FAM131C: variants seen among roughly 807,000 people sequenced by gnomAD.
FAM131C encodes family with sequence similarity 131 member C.
In FAM131C, 14 loss-of-function variants were observed where a neutral mutation model predicts 29.8. The ratio of observed to expected loss-of-function variants is 0.47; its 90% CI spans 0.31 to 0.73. The LOEUF (loss-of-function observed/expected upper bound fraction) is 0.73, where lower values mean the gene tolerates loss of function less well. Ranked by LOEUF, FAM131C falls within the 30% of genes least tolerant of loss-of-function variation. The pLI, the probability that FAM131C is intolerant of heterozygous loss-of-function variation, is 0.05. For missense variants in FAM131C, 252 were observed against 383.8 expected, an observed-to-expected ratio of 0.66 and a Z score of 2.87; for synonymous variants, 86 against 157.8, an observed-to-expected ratio of 0.54 and a Z score of 3.41.
intron 1 of FAM131C, among the ~76,000 whole-genome samples, chr1:16,063,841 ATCT>A (rs144481426): frequency 0.062 from 9,416 of 151,856 alleles, 811 homozygotes; most frequent in African/African-American, 0.19. Flanking sequence ...TACTGGCCTC[ATCT>A]TCTTTTTACT....
intron 4 of FAM131C, among the ~76,000 whole-genome samples, chr1:16,061,003 AG>A (rs923100392): frequency 6.6e-6 from 1 of 152,046 alleles, no homozygotes; most frequent in Non-Finnish European, 1.5e-5. Flanking sequence ...GAAGATGGAG[AG>A]GGGGCTGCCA....
At chr1:16,072,731 AG>A (rs1342781835) in intron 1 of FAM131C, among the ~76,000 whole-genome samples, 3 of 152,036 alleles carry the variant, frequency 2.0e-5, no homozygotes. Context: ...CCCCCAGGCA[AG>A]GGCAGGTCCC....
At chr1:16,067,597 C>A (rs2023697503) in intron 1 of FAM131C, among the ~76,000 whole-genome samples, 1 of 152,158 alleles carries the variant, frequency 6.6e-6, no homozygotes, top group Non-Finnish European at 1.5e-5. Flanking sequence ...GGGTGTCAAC[C>A]AGATGTCTCC....
rs34673312 is a variant in FAM131C, at chr1:16,062,380, G to GCCC, written c.174+116_174+118dup. ...CAACCCCCACCCACTGTTTCATCAG[G>GCCC]CCCCCCCCCCCCCCGCCCCAGGGCC... is the stretch of plus-strand genomic sequence containing the variant. On this transcript the variant is annotated intron_variant, in intron 3 of 6. Coordinates refer to ENST00000375662, the MANE Select transcript of FAM131C (RefSeq NM_182623.3). The GCCC allele has an allele frequency of 8.7e-4, 752 of 859,908 alleles. 36 individuals carry two copies. The highest frequency in any genetic ancestry group is 6.4e-3 in the African/African-American group (214 of 33,504). The allele number at this position is 859,908 out of a possible 1,614,324, so 53.3% of individuals were successfully genotyped here. A position where few individuals can be genotyped will look rare whatever the true frequency, so the allele number is the denominator to read the frequency against.
intron 1 of FAM131C, 88 bp downstream of exon 1, chr1:16,073,333 C>T: frequency 1.3e-6 from 1 of 774,512 alleles, no homozygotes; most frequent in Non-Finnish European, 1.7e-6. Context: ...GGCGGGTCGC[C>T]AGCCCCATCC....
At chr1:16,066,581 G>A (rs2023685952) in intron 1 of FAM131C, among the ~76,000 whole-genome samples, 1 of 152,194 alleles carries the variant, frequency 6.6e-6, no homozygotes, top group African/African-American at 2.4e-5. Flanking sequence ...ATTTCAGTGG[G>A]TCATGCAGCC....
intron 1 of FAM131C, among the ~76,000 whole-genome samples, chr1:16,064,266 G>A (rs900875313): frequency 6.6e-6 from 1 of 152,072 alleles, no homozygotes; most frequent in Admixed American, 6.5e-5. Context: ...CACACTGCTG[G>A]GGGCTTCTGC....
At chr1:16,062,016 C>G in intron 4 of FAM131C, 83 bp downstream of exon 4, 2 of 1,334,210 alleles carry the variant, frequency 1.5e-6, no homozygotes, top group Admixed American at 4.2e-5. Context: ...CCACCTGCAA[C>G]TCAGCCATGC....
rs28393567 is a variant in FAM131C at position 16,062,454 on chromosome 1, T to C, written c.174+45A>G. 3.8e-3 allele frequency: 5,490 copies of C among 1,460,248 alleles called. 154 individuals are homozygous for C. In the African/African-American group the frequency reaches 0.074, roughly 20 times the overall value. 90.5% of individuals were successfully genotyped at this position (1,460,248 alleles called of 1,614,324 possible). On this transcript the variant is annotated intron_variant, in intron 3 of 6. Transcript: ENST00000375662. ...GGCACAAAGGATGGAGGGGCCGTGG[T>C]GTCAGCTGGGGCCGGCTAGAATGGG...
chr1:16,063,712 C>T (rs777218280), intron 1 of FAM131C, 76 bp from the exon 2 acceptor site: 27 of 971,412 alleles, frequency 2.8e-5, no homozygotes, highest in Non-Finnish European at 4.0e-5. Flanking sequence ...CAAGGCCCCC[C>T]CGTAAGGTGA....
chr1:16,062,446 G>T (rs1011191208), intron 3 of FAM131C, 53 bp downstream of exon 3: 31 of 1,565,254 alleles, frequency 2.0e-5, no homozygotes, highest in Middle Eastern at 2.3e-4. Flanking sequence ...AGGATGGAGG[G>T]GCCGTGGTGT....
chr1:16,061,844 A>G (rs2124126372), intron 4 of FAM131C, among the ~76,000 whole-genome samples: 1 of 151,694 alleles, frequency 6.6e-6, no homozygotes, highest in Non-Finnish European at 1.5e-5. Context: ...TGCCAGACAG[A>G]CATCTGAAAA....
chr1:16,072,433 G>C (rs2023762183), intron 1 of FAM131C, among the ~76,000 whole-genome samples: 1 of 152,114 alleles, frequency 6.6e-6, no homozygotes, highest in Non-Finnish European at 1.5e-5. Context: ...GTGTGGTGGT[G>C]GTCAGTGGGT....
At chr1:16,065,459 G>A (rs1390717963) in intron 1 of FAM131C, among the ~76,000 whole-genome samples, 1 of 152,240 alleles carries the variant, frequency 6.6e-6, no homozygotes, top group Non-Finnish European at 1.5e-5. Flanking sequence ...GCCAGATTGT[G>A]TCACTGGGGT....
rs760727574 is a variant in FAM131C at position 16,058,536 on chromosome 1, G to T, written c.744C>A (p.Pro248=). The T allele has an allele frequency of 3.3e-6, 5 of 1,524,784 alleles. No individual in the cohort carries two copies. The highest frequency in any genetic ancestry group is 4.4e-6 in the Non-Finnish European group (5 of 1,136,614). The allele number at this position is 1,524,784 out of a possible 1,614,324, so 94.5% of individuals were successfully genotyped here. The change falls in exon 7 of 7, where the codon CCC becomes CCA. Residue 248 remains proline (P), a synonymous_variant. Transcript: ENST00000375662. ...TCCCACCCTCGGGTCCTTGGGCCCC[G>T]GGCAGCCGCCGCCGATGCTGCAGCT... ...SPELQHRRRL[P]GAQGPEGGTH...
chr1:16,062,625 G>A (rs1380569870), intron 2 of FAM131C, 91 bp from the exon 3 acceptor site: 10 of 1,509,290 alleles, frequency 6.6e-6, no homozygotes, highest in African/African-American at 2.8e-5. Flanking sequence ...GGGGGTGGGG[G>A]TCAGCCTTCT....
At chr1:16,064,556 C>T (rs2023649821) in intron 1 of FAM131C, among the ~76,000 whole-genome samples, 1 of 152,150 alleles carries the variant, frequency 6.6e-6, no homozygotes, top group African/African-American at 2.4e-5. Context: ...TCATATGCTG[C>T]GATGTGTCTT....
At chr1:16,063,678 C>T in intron 1 of FAM131C, 42 bp from the exon 2 acceptor site, 4 of 1,394,130 alleles carry the variant, frequency 2.9e-6, no homozygotes, top group South Asian at 2.5e-5. Flanking sequence ...AAAGCCCAGC[C>T]CTCTCTTGCT....
At chr1:16,070,170 T>C (rs899239588) in intron 1 of FAM131C, among the ~76,000 whole-genome samples, 1 of 152,218 alleles carries the variant, frequency 6.6e-6, no homozygotes, top group Non-Finnish European at 1.5e-5. Flanking sequence ...CCATGTGACC[T>C]GAGGGAAGAC....
Sources: allele counts gnomAD v4.1 joint callset (sites outside exome capture counted in the v4.1 genomes callset), GRCh38; gene constraint gnomAD v4.1.1; transcripts MANE v1.5; gene names NCBI Gene and HGNC (gene_info 2026-07-23, HGNC 2026-07-21).